ERC2: variants seen among roughly 807,000 people sequenced by gnomAD.
The protein encoded by ERC2 is ELKS/RAB6-interacting/CAST family member 2, also known as ERC protein 2.
ERC2 carries 42 observed loss-of-function variants against 114.8 expected under a neutral mutation model. That is an observed-to-expected ratio of 0.37 (90% CI 0.29 to 0.47). The LOEUF (loss-of-function observed/expected upper bound fraction) is 0.47. Ranked by LOEUF, ERC2 falls within the 20% of genes least tolerant of loss-of-function variation. The pLI, the probability that ERC2 is intolerant of heterozygous loss-of-function variation, is 0.99. For missense variants in ERC2, 939 were observed against 1,150.7 expected, an observed-to-expected ratio of 0.82 and a Z score of 2.66; for synonymous variants, 454 against 425.5, an observed-to-expected ratio of 1.07 and a Z score of -0.82.
chr3:56,091,498 T>C (rs764630618), intron 6 of ERC2, among the ~76,000 whole-genome samples: 1 of 152,058 alleles, frequency 6.6e-6, no homozygotes, highest in Non-Finnish European at 1.5e-5. Flanking sequence ...ATTTGGAAGC[T>C]CCCAACACAA....
chr3:56,177,097 T>TA (rs905265404), intron 3 of ERC2, among the ~76,000 whole-genome samples: 3 of 152,190 alleles, frequency 2.0e-5, no homozygotes, highest in Admixed American at 2.0e-4. Flanking sequence ...TGATATGAAA[T>TA]AAAAATAAAC....
chr3:56,082,502 A>T (rs1373858311), intron 6 of ERC2, among the ~76,000 whole-genome samples: 1 of 151,836 alleles, frequency 6.6e-6, no homozygotes, highest in Non-Finnish European at 1.5e-5. Context: ...AACTAAGACA[A>T]CCACCATGAT....
chr3:56,097,162 T>A (rs1202706475), intron 6 of ERC2, among the ~76,000 whole-genome samples: 1 of 152,200 alleles, frequency 6.6e-6, no homozygotes, highest in Non-Finnish European at 1.5e-5. Flanking sequence ...AAGTGATTGT[T>A]TCTCTGTTGG....
At chr3:55,894,206 T>C (rs1462736520) in intron 13 of ERC2, among the ~76,000 whole-genome samples, 1 of 152,146 alleles carries the variant, frequency 6.6e-6, no homozygotes, top group Non-Finnish European at 1.5e-5. Flanking sequence ...TAATATTCAA[T>C]AAGCACTATT....
At chr3:56,096,354 T>A (rs1473339915) in intron 6 of ERC2, among the ~76,000 whole-genome samples, 6 of 152,210 alleles carry the variant, frequency 3.9e-5, no homozygotes, top group Admixed American at 1.3e-4. Flanking sequence ...TCAGCATTTT[T>A]GAGACAGGGT....
At chr3:55,819,470 A>G (rs56357131) in intron 14 of ERC2, among the ~76,000 whole-genome samples, 13,177 of 152,272 alleles carry the variant, frequency 0.087, 880 homozygotes, top group African/African-American at 0.18. Context: ...ATGGTTTTAA[A>G]ACTATGGTTC....
intron 3 of ERC2, among the ~76,000 whole-genome samples, chr3:56,254,237 T>C (rs1471805890): frequency 2.6e-5 from 4 of 152,254 alleles, no homozygotes; most frequent in Admixed American, 6.5e-5. Flanking sequence ...AGAGACTAAT[T>C]TGAAATACTT....
intron 15 of ERC2, among the ~76,000 whole-genome samples, chr3:55,732,119 T>A (rs1340799312): frequency 6.6e-6 from 1 of 151,988 alleles, no homozygotes; most frequent in Non-Finnish European, 1.5e-5. Flanking sequence ...TCAGTTATGC[T>A]CCCTAGAAAA....
intron 14 of ERC2, among the ~76,000 whole-genome samples, chr3:55,757,623 A>G (rs1170212133): frequency 6.6e-6 from 1 of 152,172 alleles, no homozygotes; most frequent in East Asian, 1.9e-4. Context: ...TGAGAAATCA[A>G]TGAGATACTA....
intron 7 of ERC2, among the ~76,000 whole-genome samples, chr3:56,065,178 G>C (rs2076413852): frequency 6.6e-6 from 1 of 151,768 alleles, no homozygotes. Flanking sequence ...AAATAATCCG[G>C]GTCCCCCTAA....
intron 14 of ERC2, among the ~76,000 whole-genome samples, chr3:55,857,916 C>A (rs887052054): frequency 1.3e-5 from 2 of 152,182 alleles, no homozygotes; most frequent in Admixed American, 1.3e-4. Context: ...GCCATCCAAC[C>A]AAATCTAGGT....
chr3:56,276,941 G>A (rs1190555537), intron 3 of ERC2, among the ~76,000 whole-genome samples: 1 of 152,204 alleles, frequency 6.6e-6, no homozygotes, highest in Non-Finnish European at 1.5e-5. Flanking sequence ...CTTATGGGTT[G>A]GACAAGCTTG....
intron 14 of ERC2, among the ~76,000 whole-genome samples, chr3:55,774,450 G>A (rs1272378933): frequency 1.3e-5 from 2 of 152,252 alleles, no homozygotes. Context: ...TCAATGTTAT[G>A]ATGCTGCAAT....
intron 14 of ERC2, among the ~76,000 whole-genome samples, chr3:55,796,268 T>C (rs1575622457): frequency 6.6e-6 from 1 of 152,148 alleles, no homozygotes; most frequent in South Asian, 2.1e-4. Context: ...AAGTGAACTA[T>C]TGGGCCTTCG....
At chr3:55,790,617 A>G (rs1239691585) in intron 14 of ERC2, among the ~76,000 whole-genome samples, 2 of 152,162 alleles carry the variant, frequency 1.3e-5, no homozygotes, top group African/African-American at 4.8e-5. Flanking sequence ...TAACAACCCT[A>G]CTATCCCCCA....
chr3:55,609,653 A>AT (rs2058801985), intron 17 of ERC2, among the ~76,000 whole-genome samples: 1 of 152,012 alleles, frequency 6.6e-6, no homozygotes, highest in Non-Finnish European at 1.5e-5. Flanking sequence ...GGTAGGCTCC[A>AT]TTTCGAGGAT....
intron 1 of ERC2, among the ~76,000 whole-genome samples, chr3:56,436,821 A>G (rs548299110): frequency 7.2e-5 from 11 of 152,350 alleles, no homozygotes; most frequent in Admixed American, 2.0e-4. Context: ...CAATGTGGAA[A>G]GGGCCTCCCT....
chr3:56,284,038 C>T (rs929728406), intron 3 of ERC2, among the ~76,000 whole-genome samples: 2 of 152,220 alleles, frequency 1.3e-5, no homozygotes, highest in Admixed American at 1.3e-4. Context: ...CATGCACTAA[C>T]TAATTCACAC....
At chr3:56,408,313 G>A (rs868620472) in intron 2 of ERC2, among the ~76,000 whole-genome samples, 1 of 152,184 alleles carries the variant, frequency 6.6e-6, no homozygotes, top group South Asian at 2.1e-4. Context: ...CCTATTTTAT[G>A]GATGAGAAAC....
Sources: allele counts gnomAD v4.1 joint callset (sites outside exome capture counted in the v4.1 genomes callset), GRCh38; gene constraint gnomAD v4.1.1; transcripts MANE v1.5; gene names NCBI Gene and HGNC (gene_info 2026-07-23, HGNC 2026-07-21).